CCDC88C: variants seen among roughly 807,000 people sequenced by gnomAD.
CCDC88C encodes protein Daple.
Under a neutral mutation model 198.8 loss-of-function variants are expected in CCDC88C, and 131 were observed. The observed-to-expected ratio is 0.66, with a 90% CI of 0.57 to 0.76. The LOEUF is 0.76. Ranked by LOEUF, CCDC88C falls within the 30% of genes least tolerant of loss-of-function variation. The pLI is 0.00. For missense variants in CCDC88C, 2,553 were observed against 2,631.6 expected (o/e 0.97, Z 0.65); for synonymous variants, 1,166 against 1,114.7 (o/e 1.05, Z -0.92).
intron 2 of CCDC88C, among the ~76,000 whole-genome samples, chr14:91,414,912 C>A (rs1405961286): frequency 6.6e-6 from 1 of 152,142 alleles, no homozygotes; most frequent in Non-Finnish European, 1.5e-5. Flanking sequence ...CAAATGAGAA[C>A]AAGTGATGAG....
At position 91,412,503 on chromosome 14, in the gene CCDC88C, T is replaced by G. The variant is rs546135240; in HGVS notation, c.162-3736A>C. Among the ~76,000 whole-genome samples, 239 of 152,094 alleles carry G rather than the reference T, an allele frequency of 1.6e-3. 1 individual carries two copies. Among genetic ancestry groups the G allele is most frequent in the African/African-American group, 5.6e-3 (233 of 41,510 alleles). ...CAGGCTGGGTGCAGTGGCACAATCT[T>G]GGCTCACTGCAAGCTCTGCCTCCCG... On this transcript the variant is annotated intron_variant, in intron 2 of 29. Transcript: ENST00000389857.
At chr14:91,275,728 A>G (rs886180527) in intron 29 of CCDC88C, among the ~76,000 whole-genome samples, 12 of 151,854 alleles carry the variant, frequency 7.9e-5, no homozygotes, top group African/African-American at 2.9e-4. Flanking sequence ...GCTGGTCTCG[A>G]ACGCCTGACC....
chr14:91,278,240 C>G (rs1458883867), intron 28 of CCDC88C, 29 bp from the exon 29 acceptor site: 1 of 1,563,462 alleles, frequency 6.4e-7, no homozygotes, highest in Admixed American at 1.8e-5. Flanking sequence ...GACAGAGGAC[C>G]CTCATCAGTC....
rs1203910135 is a variant in CCDC88C at position 91,272,928 on chromosome 14, G to A, written c.5784C>T (p.His1928=). The change falls in exon 30 of 30, where the codon CAC becomes CAT. Residue 1928 remains histidine, a synonymous_variant. Transcript: ENST00000389857. ...AGSGSNSQLL[H]FSPAAAPAAR... Reference sequence around the variant, plus strand: ...CAGCCGGGGCTGCAGCAGGTGAGAAGTGCAGGAGCTGGGAGTTGCTGCCAC... The same window carrying A: ...CAGCCGGGGCTGCAGCAGGTGAGAAATGCAGGAGCTGGGAGTTGCTGCCAC... The A allele has an allele frequency of 1.9e-6, 3 of 1,570,260 alleles. No individual in the cohort carries two copies. The highest frequency in any genetic ancestry group is 2.3e-5 in the East Asian group (1 of 42,902).
At chr14:91,395,642 T>C (rs1885796260) in intron 3 of CCDC88C, among the ~76,000 whole-genome samples, 1 of 151,970 alleles carries the variant, frequency 6.6e-6, no homozygotes, top group Non-Finnish European at 1.5e-5. Context: ...TGGCTAACGT[T>C]ATCCCCCAGC....
intron 6 of CCDC88C, 54 bp downstream of exon 6, chr14:91,342,326 C>A: frequency 8.7e-7 from 1 of 1,146,418 alleles, no homozygotes; most frequent in Non-Finnish European, 1.3e-6. Context: ...TGCCTCCCGG[C>A]CACCACAGGA....
In CCDC88C at chr14:91,273,492, C is replaced by G. The variant is rs374066841; in HGVS notation, c.5220G>C (p.Ser1740=). Reference sequence around the variant, plus strand: ...GCCCGGGCTTCAGCGGCCTCCCCTCCGAGGTGGGGGCGGCCATTTTGACGG... The same window carrying G: ...GCCCGGGCTTCAGCGGCCTCCCCTCGGAGGTGGGGGCGGCCATTTTGACGG... ...APTVKMAAPT[S]EGRPLKPGQY... Residue 1740 remains serine (S), a synonymous_variant, in exon 30 of 30, where the codon TCG becomes TCC. Transcript: ENST00000389857. The surrounding 1 kb of genome is among the most constrained non-coding windows in gnomAD (Gnocchi z 5.6). 3.2e-6 allele frequency: 5 copies of G among 1,551,372 alleles called. No homozygotes were observed.
intron 23 of CCDC88C, among the ~76,000 whole-genome samples, chr14:91,292,829 C>T (rs73336440): frequency 0.011 from 1,626 of 152,248 alleles, 36 homozygotes; most frequent in African/African-American, 0.037. Context: ...CACCAGGGTT[C>T]GTCCCCTTGC....
rs1424191844 is a variant in CCDC88C at position 91,327,139 on chromosome 14, C to T, written c.1051-1083G>A. Among the ~76,000 whole-genome samples, 14 of 152,220 alleles carry T rather than the reference C, an allele frequency of 9.2e-5. 1 individual carries two copies. The East Asian group carries it at 1.3e-3, about 15-fold the overall frequency. ...GCCTTCGCAGGTTACAAACAGCACA[C>T]GCCAGGAACGTGTACGCTTCTTTCG... On this transcript the variant is annotated intron_variant, in intron 10 of 29. Coordinates refer to ENST00000389857, the MANE Select transcript of CCDC88C (RefSeq NM_001080414.4).
intron 5 of CCDC88C, among the ~76,000 whole-genome samples, chr14:91,342,972 T>A (rs1051240274): frequency 1.4e-4 from 21 of 152,292 alleles, no homozygotes; most frequent in African/African-American, 4.3e-4. Context: ...TAAAACTTTA[T>A]TTGAGAGAGG....
intron 21 of CCDC88C, among the ~76,000 whole-genome samples, chr14:91,299,537 G>A (rs1247256991): frequency 1.3e-5 from 2 of 152,160 alleles, no homozygotes; most frequent in South Asian, 2.1e-4. Flanking sequence ...GTCTTGGGGC[G>A]GCAAATAAAA....
intron 3 of CCDC88C, among the ~76,000 whole-genome samples, chr14:91,398,210 A>T (rs1361096456): frequency 6.6e-6 from 1 of 152,236 alleles, no homozygotes; most frequent in African/African-American, 2.4e-5. Flanking sequence ...GACAACAAAA[A>T]GGAGAGAAAA....
rs374872835 is a variant in CCDC88C, at chr14:91,277,314, A to G, written c.5058+608T>C. Among the ~76,000 whole-genome samples, 44 of 152,354 alleles carry G rather than the reference A, an allele frequency of 2.9e-4. 1 individual carries two copies. The East Asian group carries it at 5.2e-3, about 18-fold the overall frequency. On this transcript the variant is annotated intron_variant, in intron 29 of 29. Coordinates refer to ENST00000389857, the MANE Select transcript of CCDC88C (RefSeq NM_001080414.4). ...CAGGCGTGAGCCACTGCATCTGGCCAGTTGCTACATTTTTAATTGGTCAAA... is the reference window on the plus strand; with the variant it reads ...CAGGCGTGAGCCACTGCATCTGGCCGGTTGCTACATTTTTAATTGGTCAAA...
chr14:91,315,998 C>G lies in CCDC88C; in HGVS notation c.1528-211G>C, dbSNP rs111800698. 827 of 540,702 alleles carry G rather than the reference C, an allele frequency of 1.5e-3. 1 individual carries two copies. Among genetic ancestry groups the G allele is most frequent in the Non-Finnish European group, 2.3e-3 (698 of 306,192 alleles). 33.5% of individuals were successfully genotyped at this position (540,702 alleles called of 1,614,324 possible). ...CAGGAAGCAAACCATCACCATCCCC[C>G]CAGCGTCCCTCTGCCCCATCCTTGC... On this transcript the variant is annotated intron_variant, in intron 13 of 29. Transcript: ENST00000389857.
chr14:91,355,001 C>T (rs921378445), intron 4 of CCDC88C, among the ~76,000 whole-genome samples: 1 of 152,188 alleles, frequency 6.6e-6, no homozygotes, highest in Admixed American at 6.5e-5. Flanking sequence ...GAGGTGTTTA[C>T]ACAGCTCGCT....
At chr14:91,382,364 G>A (rs971681557) in intron 3 of CCDC88C, among the ~76,000 whole-genome samples, 3 of 152,124 alleles carry the variant, frequency 2.0e-5, no homozygotes, top group Admixed American at 6.5e-5. Context: ...TCAACATGGC[G>A]GGCCCCATGA....
At chr14:91,351,178 A>C (rs1364675012) in intron 4 of CCDC88C, among the ~76,000 whole-genome samples, 1 of 152,190 alleles carries the variant, frequency 6.6e-6, no homozygotes, top group Admixed American at 6.5e-5. Flanking sequence ...ATGTGTGCTT[A>C]CTTATTCTAC....
chr14:91,341,732 G>A (rs77173042), intron 6 of CCDC88C, among the ~76,000 whole-genome samples: 3,675 of 152,334 alleles, frequency 0.024, 72 homozygotes, highest in Non-Finnish European at 0.036. Context: ...TAGGGTGGGC[G>A]GCCTCCTTAG....
At chr14:91,395,252 C>T (rs902976536) in intron 3 of CCDC88C, among the ~76,000 whole-genome samples, 4 of 152,166 alleles carry the variant, frequency 2.6e-5, no homozygotes, top group Admixed American at 1.3e-4. Context: ...CTGCCCCCTC[C>T]GCCTGCAGAA....
Sources: allele counts gnomAD v4.1 joint callset (sites outside exome capture counted in the v4.1 genomes callset), GRCh38; gene constraint gnomAD v4.1.1; non-coding constraint Gnocchi (gnomAD v3.1); transcripts MANE v1.5; gene names NCBI Gene and HGNC (gene_info 2026-07-23, HGNC 2026-07-21).